The following NCAM2 variants were observed in gnomAD, a reference collection of about 807,000 sequenced individuals.
The protein encoded by NCAM2 is neural cell adhesion molecule 2, also known as N-CAM-2.
NCAM2 carries 30 observed loss-of-function variants against 98.1 expected under a neutral mutation model. The ratio of observed to expected loss-of-function variants is 0.31; its 90% confidence interval spans 0.23 to 0.41. NCAM2 has a LOEUF of 0.41. NCAM2 is among the 10% of genes least tolerant of loss of function. The pLI is 1.00. For synonymous variants in NCAM2, 368 were observed against 342.4 expected, an observed-to-expected ratio of 1.07 and a Z score of -0.83; for missense variants, 867 against 1,005.8, an observed-to-expected ratio of 0.86 and a Z score of 1.87.
At chr21:21,058,138 T>A (rs1270494928) in intron 1 of NCAM2, among the ~76,000 whole-genome samples, 1 of 60,844 alleles carries the variant, frequency 1.6e-5, no homozygotes. Context: ...GGGCCCTAAG[T>A]CTCTTCAAAA....
At chr21:21,163,138 AT>A (rs1377309280) in intron 1 of NCAM2, among the ~76,000 whole-genome samples, 2 of 152,176 alleles carry the variant, frequency 1.3e-5, no homozygotes, top group African/African-American at 2.4e-5. Context: ...ACAGCATTGA[AT>A]TAATGATGTC....
rs1286712527 is a variant in NCAM2, at chr21:21,509,341, GGATA to G, written c.2282+288_2282+291del. ...ATAGATGATAAACATATAGATGGAT[GGATA>G]GTTGTGCAAATGTATTCCATTTTGA... On this transcript the variant is annotated intron_variant, in intron 16 of 17. Transcript: ENST00000400546. 4.6e-5 allele frequency among the ~76,000 whole-genome samples: 7 copies of G among 152,208 alleles called. No homozygotes were observed. The East Asian group carries it at 5.8e-4, about 13-fold the overall frequency.
intron 12 of NCAM2, among the ~76,000 whole-genome samples, chr21:21,455,210 C>CAAAAAAAAAA (rs5842926): frequency 1.0e-5 from 1 of 95,458 alleles, no homozygotes; most frequent in African/African-American, 3.9e-5. Flanking sequence ...AACCTATTGG[C>CAAAAAAAAAA]AAAAAAAAAA....
chr21:21,293,324 T>G (rs1301037640), intron 5 of NCAM2, among the ~76,000 whole-genome samples: 2 of 151,814 alleles, frequency 1.3e-5, no homozygotes, highest in African/African-American at 4.8e-5. Context: ...ACTTGGTTTC[T>G]CTACACTTAA....
intron 1 of NCAM2, among the ~76,000 whole-genome samples, chr21:21,153,138 C>G (rs1282015438): frequency 1.3e-5 from 2 of 148,880 alleles, no homozygotes; most frequent in African/African-American, 4.9e-5. Flanking sequence ...CTGGAGTCAA[C>G]TATACCGTCA....
intron 14 of NCAM2, among the ~76,000 whole-genome samples, chr21:21,468,985 TC>T: frequency 6.6e-6 from 1 of 152,010 alleles, no homozygotes; most frequent in Non-Finnish European, 1.5e-5. Context: ...ATCAAAGTAT[TC>T]TCATGGTTTT....
chr21:21,494,925 A>T (rs9982735), intron 15 of NCAM2, among the ~76,000 whole-genome samples: 318 of 151,860 alleles, frequency 2.1e-3, no homozygotes, highest in African/African-American at 5.5e-3. Flanking sequence ...CAAAATAAGC[A>T]CAGCTCAGTT....
At chr21:21,307,544 G>A (rs1333056525) in intron 5 of NCAM2, among the ~76,000 whole-genome samples, 1 of 152,014 alleles carries the variant, frequency 6.6e-6, no homozygotes, top group Admixed American at 6.6e-5. Flanking sequence ...ACGATCCAGG[G>A]GTCAGCAAGA....
chr21:21,281,850 T>A lies in NCAM2; in HGVS notation c.130+1198T>A, dbSNP rs573606190. On this transcript the variant is annotated intron_variant, in intron 2 of 17. Transcript: ENST00000400546. Reference sequence around the variant, plus strand: ...ATGACATGATTTATTTAAACCAAGATTCAAATTTATAAATATAGAGATATA... The same window carrying A: ...ATGACATGATTTATTTAAACCAAGAATCAAATTTATAAATATAGAGATATA... Among the ~76,000 whole-genome samples the A allele has an allele frequency of 8.6e-5, 13 of 151,778 alleles. No individual in the cohort carries two copies. In the South Asian group the frequency reaches 1.5e-3, roughly 17 times the overall value.
At chr21:21,200,510 A>T (rs1182367902) in intron 1 of NCAM2, among the ~76,000 whole-genome samples, 2 of 152,230 alleles carry the variant, frequency 1.3e-5, no homozygotes, top group Non-Finnish European at 2.9e-5. Flanking sequence ...ATAGAAACCA[A>T]TAGGTGGCCA....
intron 1 of NCAM2, among the ~76,000 whole-genome samples, chr21:21,101,709 T>TTTGCTGATA (rs1450878840): frequency 1.3e-5 from 2 of 152,084 alleles, no homozygotes; most frequent in Non-Finnish European, 2.9e-5. Context: ...TCATGTGTTC[T>TTTGCTGATA]TTGCTGATAT....
intron 2 of NCAM2, among the ~76,000 whole-genome samples, chr21:21,283,884 T>G (rs2073011209): frequency 6.6e-6 from 1 of 151,952 alleles, no homozygotes; most frequent in Admixed American, 6.6e-5. Context: ...TTTCAGAACT[T>G]AAATGTAATA....
chr21:21,119,641 T>C (rs1202342561), intron 1 of NCAM2, among the ~76,000 whole-genome samples: 1 of 152,176 alleles, frequency 6.6e-6, no homozygotes, highest in African/African-American at 2.4e-5. Context: ...ATTTAGGAAA[T>C]AATGCAGATT....
chr21:21,279,888 C>G (rs567959735), intron 1 of NCAM2, among the ~76,000 whole-genome samples: 1 of 152,316 alleles, frequency 6.6e-6, no homozygotes, highest in South Asian at 2.1e-4. Flanking sequence ...GTCATGCTCT[C>G]TTTTCTACCA....
chr21:21,531,953 A>T (rs962932041), intron 16 of NCAM2, among the ~76,000 whole-genome samples: 4 of 151,496 alleles, frequency 2.6e-5, no homozygotes, highest in Non-Finnish European at 4.4e-5. Context: ...AGATCACGCC[A>T]CTGCACACCA....
chr21:21,292,309 C>A (rs2073327728), intron 5 of NCAM2, 68 bp downstream of exon 5: 2 of 1,471,284 alleles, frequency 1.4e-6, no homozygotes, highest in African/African-American at 2.8e-5. Flanking sequence ...TAAATGGCAA[C>A]CATGTGAACT....
chr21:21,028,465 G>T, intron 1 of NCAM2, among the ~76,000 whole-genome samples: 1 of 152,174 alleles, frequency 6.6e-6, no homozygotes, highest in East Asian at 1.9e-4. Context: ...TTCATAAACA[G>T]ACCTTCAATC....
chr21:21,497,236 C>A (rs1184103616), intron 15 of NCAM2, among the ~76,000 whole-genome samples: 1 of 152,022 alleles, frequency 6.6e-6, no homozygotes, highest in Non-Finnish European at 1.5e-5. Flanking sequence ...TAAAAAACTA[C>A]CAATCAATCA....
At chr21:21,037,879 A>G (rs182882332) in intron 1 of NCAM2, among the ~76,000 whole-genome samples, 45 of 152,284 alleles carry the variant, frequency 3.0e-4, no homozygotes, top group Middle Eastern at 6.8e-3. Flanking sequence ...TAATTTTTTG[A>G]TAGTGTTGAA....
Sources: allele counts gnomAD v4.1 joint callset (sites outside exome capture counted in the v4.1 genomes callset), GRCh38; gene constraint gnomAD v4.1.1; transcripts MANE v1.5; gene names NCBI Gene and HGNC (gene_info 2026-07-23, HGNC 2026-07-21).